STK33: variants seen among roughly 807,000 people sequenced by gnomAD.
STK33 encodes the protein serine/threonine-protein kinase 33.
STK33 carries 52 observed loss-of-function variants against 58.0 expected under a neutral mutation model. The ratio of observed to expected loss-of-function variants is 0.90; its 90% CI spans 0.72 to 1.13. STK33 has a LOEUF of 1.13. Ranked by LOEUF, STK33 falls within the 50% of genes most tolerant of loss-of-function variation. The probability of loss-of-function intolerance (pLI) is 0.00; values close to 1 mark genes in which losing one functional copy is unlikely to be tolerated. For missense variants in STK33, 630 were observed against 604.2 expected (o/e 1.04, Z -0.45); for synonymous variants, 215 against 200.1 (o/e 1.07, Z -0.63).
chr11:8,557,257 A>AAGGGAAGGGAGGGG (rs1956807748), intron 1 of STK33, among the ~76,000 whole-genome samples: 1 of 17,960 alleles, frequency 5.6e-5, no homozygotes. Flanking sequence ...TGGGGAAGGG[A>AAGGGAAGGGAGGGG]AGGGGAGGGG....
intron 15 of STK33, among the ~76,000 whole-genome samples, chr11:8,399,046 T>C (rs1849895036): frequency 1.3e-5 from 2 of 152,064 alleles, no homozygotes; most frequent in Non-Finnish European, 2.9e-5. Flanking sequence ...CTGTCAACAT[T>C]AGACAGATCA....
chr11:8,351,680 G>T, the STK33 span, among the ~76,000 whole-genome samples: 87 of 152,378 alleles, frequency 5.7e-4, no homozygotes, highest in African/African-American at 2.0e-3. Context: ...GGGATGCTGG[G>T]TGTGGGAGCG....
the STK33 span, among the ~76,000 whole-genome samples, chr11:8,376,698 T>C: frequency 1.3e-5 from 2 of 152,072 alleles, no homozygotes; most frequent in East Asian, 1.9e-4. Context: ...CCAGCCACCA[T>C]GCCTGGCCAG....
intron 1 of STK33, among the ~76,000 whole-genome samples, chr11:8,571,809 G>A (rs1258171170): frequency 2.0e-5 from 3 of 149,384 alleles, no homozygotes; most frequent in Non-Finnish European, 4.4e-5. Flanking sequence ...CTCCAGCCTG[G>A]GCGACAGAGC....
intron 11 of STK33, among the ~76,000 whole-genome samples, chr11:8,447,741 C>T (rs1457436166): frequency 6.6e-6 from 1 of 152,168 alleles, no homozygotes; most frequent in African/African-American, 2.4e-5. Context: ...CAAGGATGCC[C>T]TCTCTCACCA....
intron 1 of STK33, among the ~76,000 whole-genome samples, chr11:8,505,600 G>C (rs868452327): frequency 7.9e-5 from 12 of 152,106 alleles, no homozygotes; most frequent in African/African-American, 2.9e-4. Flanking sequence ...ACGTGTTCTT[G>C]GATCACACAC....
Position 8,413,681 on chromosome 11 carries a change from A to C in STK33, c.1158T>G (p.Leu386=). ...ATACATTGGTTGGTCTCACCGAAGA[A>C]AGTTTATTGCCCTAATATTAACAAT... The part of the protein sequence containing the change: ...LDNQWLTGNK[L]SSVRPTNVLE... The change falls in exon 15 of 16, where the codon CTT becomes CTG. Residue 386 remains leucine (L), a synonymous_variant. Transcript: ENST00000687296. 1.2e-6 allele frequency: 2 copies of C among 1,612,454 alleles called. No individual in the cohort carries two copies. Among genetic ancestry groups the C allele is most frequent in the Non-Finnish European group, 1.7e-6 (2 of 1,178,740 alleles).
chr11:8,419,573 T>C (rs936773888), intron 14 of STK33, among the ~76,000 whole-genome samples: 2 of 152,196 alleles, frequency 1.3e-5, no homozygotes, highest in Non-Finnish European at 2.9e-5. Context: ...GGACTCTCTT[T>C]TGGTTCCATA....
intron 1 of STK33, among the ~76,000 whole-genome samples, chr11:8,510,817 G>GT (rs1260057019): frequency 1.3e-5 from 2 of 152,038 alleles, no homozygotes; most frequent in African/African-American, 2.4e-5. Context: ...GGCTATAAGT[G>GT]TTTGACTTTA....
chr11:8,340,738 AGAGAGCACTG>A, the STK33 span, among the ~76,000 whole-genome samples: 2 of 152,224 alleles, frequency 1.3e-5, no homozygotes, highest in Admixed American at 6.5e-5. Context: ...GTGAGCCCAC[AGAGAGCACTG>A]GAGAGCACTG....
intron 1 of STK33, among the ~76,000 whole-genome samples, chr11:8,531,869 C>T (rs1954583720): frequency 6.6e-6 from 1 of 152,090 alleles, no homozygotes; most frequent in Admixed American, 6.6e-5. Flanking sequence ...AAATATGAAG[C>T]CTAGAGGAAA....
At chr11:8,352,715 T>A in the STK33 span, among the ~76,000 whole-genome samples, 1 of 152,228 alleles carries the variant, frequency 6.6e-6, no homozygotes, top group Admixed American at 6.5e-5. Context: ...AGTATGGTTA[T>A]GGCTCCTGGG....
At position 8,392,408 on chromosome 11, in the gene STK33, C is replaced by T; in HGVS notation, c.*102G>A. 2 of 1,363,212 alleles carry T rather than the reference C, an allele frequency of 1.5e-6. No individual in the cohort carries two copies. Among genetic ancestry groups the T allele is most frequent in the Non-Finnish European group, 2.0e-6 (2 of 978,798 alleles). 84.4% of individuals were successfully genotyped at this position (1,363,212 alleles called of 1,614,324 possible). A position where few individuals can be genotyped will look rare whatever the true frequency, so the allele number is the denominator to read the frequency against. ...GGCGGGGCTCTGTGGAGCTAAAAGG[C>T]TACAAGCTCAGCATAGGGCTGTCTT... On this transcript the variant is annotated 3_prime_UTR_variant, in exon 16 of 16. Coordinates refer to ENST00000687296, the MANE Select transcript of STK33 (RefSeq NM_001352389.2).
At chr11:8,558,248 G>C in intron 1 of STK33, among the ~76,000 whole-genome samples, 1 of 152,114 alleles carries the variant, frequency 6.6e-6, no homozygotes, top group South Asian at 2.1e-4. Context: ...AAAAAGACCA[G>C]CATAAATTTG....
chr11:8,377,734 T>G, the STK33 span, among the ~76,000 whole-genome samples: 1 of 152,178 alleles, frequency 6.6e-6, no homozygotes, highest in East Asian at 1.9e-4. Context: ...CTCCAAAAGA[T>G]TCCAAGATTT....
At position 8,544,146 on chromosome 11, in the gene STK33, G is replaced by A. The variant is rs555739019; in HGVS notation, c.-466+49937C>T. Among the ~76,000 whole-genome samples the A allele has an allele frequency of 7.3e-3, 1,108 of 151,784 alleles. 6 individuals carry two copies. Among genetic ancestry groups the A allele is most frequent in the Non-Finnish European group, 0.013 (860 of 67,924 alleles). On this transcript the variant is annotated intron_variant, in intron 1 of 15. Coordinates refer to ENST00000687296, the MANE Select transcript of STK33 (RefSeq NM_001352389.2). ...AACTACATTAGGTATTTCTCCTAAT[G>A]CTATCCCTCCCATAGCCCCCCATCC...
At chr11:8,567,125 G>A (rs1957503703) in intron 1 of STK33, 3 of 152,136 alleles carry the variant, frequency 2.0e-5, no homozygotes, top group Admixed American at 2.0e-4. Flanking sequence ...GGGTGACAGA[G>A]TGAGACCCTG....
intron 1 of STK33, among the ~76,000 whole-genome samples, chr11:8,495,066 A>G (rs2138867342): frequency 6.6e-6 from 1 of 152,328 alleles, no homozygotes; most frequent in African/African-American, 2.4e-5. Context: ...CACCAACAGC[A>G]ATGGCAACAA....
rs2137437057 is a variant in STK33 at position 8,464,798 on chromosome 11, A to G, written c.364T>C (p.Leu122=). 1 of 1,611,612 alleles carries G rather than the reference A, an allele frequency of 6.2e-7. No individual in the cohort carries two copies. Among genetic ancestry groups the G allele is most frequent in the South Asian group, 1.1e-5 (1 of 90,940 alleles). Residue 122 remains leucine, a synonymous_variant, in exon 7 of 16, where the codon TTG becomes CTG. Coordinates refer to ENST00000687296, the MANE Select transcript of STK33 (RefSeq NM_001352389.2). ...ACTATTCCAAAGCTCCCTTTTCCCAATATTCTTCCAAAGGTATAGATTTCC... is the reference window on the plus strand; with the variant it reads ...ACTATTCCAAAGCTCCCTTTTCCCAGTATTCTTCCAAAGGTATAGATTTCC... ...IEEIYTFGRI[L]GKGSFGIVIE...
Sources: gnomAD v4.1 joint callset for allele counts (sites outside exome capture counted in the v4.1 genomes callset) on GRCh38, gnomAD v4.1.1 for gene constraint, MANE v1.5 for transcripts, NCBI Gene and HGNC (gene_info 2026-07-23, HGNC 2026-07-21) for gene names.